Variants in LRRC57 observed in about 807,000 individuals in gnomAD.
LRRC57 encodes leucine rich repeat containing 57, also known as leucine-rich repeat-containing protein 57.
Under a neutral mutation model 23.1 loss-of-function variants are expected in LRRC57, and 14 were observed. The ratio of observed to expected loss-of-function variants is 0.61; its 90% CI spans 0.40 to 0.95. The LOEUF is 0.95. LRRC57 is among the 40% of genes least tolerant of loss of function. The pLI is 0.00. For missense variants in LRRC57, 236 were observed against 284.4 expected, an observed-to-expected ratio of 0.83 and a Z score of 1.22; for synonymous variants, 106 against 115.2, an observed-to-expected ratio of 0.92 and a Z score of 0.51.
At chr15:42,547,550 TA>T in intron 3 of LRRC57, 21 bp from the exon 4 acceptor site, 1 of 1,592,260 alleles carries the variant, frequency 6.3e-7, no homozygotes, top group Middle Eastern at 1.7e-4. Context: ...AAAATTTTTT[TA>T]AAACCTGAAT....
At chr15:42,529,132 T>C in the LRRC57 span, among the ~76,000 whole-genome samples, 2 of 152,148 alleles carry the variant, frequency 1.3e-5, no homozygotes, top group Non-Finnish European at 2.9e-5. Flanking sequence ...CTCAACTCTG[T>C]TGTAGGGTTA....
Position 42,543,997 on chromosome 15 carries a change from A to C in LRRC57, c.*86T>G, listed in dbSNP as rs2057644006. ...CATCTCCTTACTGTAGATACCCCTA[A>C]CAACAACAGGAGGCTTTGACTCAGC... On this transcript the variant is annotated 3_prime_UTR_variant, in exon 6 of 6. Coordinates refer to ENST00000397130, the MANE Select transcript of LRRC57 (RefSeq NM_153260.3). 4 of 1,064,078 alleles carry C rather than the reference A, an allele frequency of 3.8e-6. No individual in the cohort carries two copies. The highest frequency in any genetic ancestry group is 5.7e-6 in the Non-Finnish European group (4 of 701,240). 65.9% of individuals were successfully genotyped at this position (1,064,078 alleles called of 1,614,324 possible).
chr15:42,544,220 G>A, intron 5 of LRRC57, 96 bp from the exon 6 acceptor site: 4 of 956,936 alleles, frequency 4.2e-6, no homozygotes, highest in Non-Finnish European at 6.3e-6. Context: ...TTTATTGCAT[G>A]TGGTTTTTCA....
chr15:42,543,314 C>G lies in LRRC57; in HGVS notation c.*769G>C, dbSNP rs995014423. The G allele has an allele frequency of 5.9e-5, 9 of 152,368 alleles. No homozygotes were observed. The highest frequency in any genetic ancestry group is 2.2e-4 in the African/African-American group (9 of 41,552). The allele number at this position is 152,368 out of a possible 1,614,324, so 9.4% of individuals were successfully genotyped here. A position where few individuals can be genotyped will look rare whatever the true frequency, so the allele number is the denominator to read the frequency against. On this transcript the variant is annotated 3_prime_UTR_variant, in exon 6 of 6. Coordinates refer to ENST00000397130, the MANE Select transcript of LRRC57 (RefSeq NM_153260.3). ...TCCTGGGTTCAAGCGATTCTCCTGCCTCAGCCTCCCAAGTAGCTGGGATTA... is the reference window on the plus strand; with the variant it reads ...TCCTGGGTTCAAGCGATTCTCCTGCGTCAGCCTCCCAAGTAGCTGGGATTA...
downstream of LRRC57, among the ~76,000 whole-genome samples, chr15:42,534,839 A>G (rs2057592347): frequency 6.6e-6 from 1 of 152,242 alleles, no homozygotes; most frequent in South Asian, 2.1e-4. Context: ...ACTTCTCAAC[A>G]GTGGGTTTAA....
chr15:42,548,131 G>A lies in LRRC57; in HGVS notation c.198C>T (p.Ser66=). The part of the protein sequence containing the change: ...LLIGKFTLLK[S]LSLNNNKLTV... ...TCAGTTTGTTGTTGTTCAGGGAGAG[G>A]CTCTTCAGCAGAGTGAACTTTCCTA... The change falls in exon 3 of 6, where the codon AGC becomes AGT. Residue 66 remains serine (S), a synonymous_variant. Coordinates refer to ENST00000397130, the MANE Select transcript of LRRC57 (RefSeq NM_153260.3). 2 of 1,614,210 alleles carry A rather than the reference G, an allele frequency of 1.2e-6. No individual in the cohort carries two copies. Among genetic ancestry groups the A allele is most frequent in the Non-Finnish European group, 8.5e-7 (1 of 1,180,038 alleles).
downstream of LRRC57, among the ~76,000 whole-genome samples, chr15:42,535,942 G>A (rs1292011119): frequency 1.3e-5 from 2 of 152,092 alleles, no homozygotes; most frequent in Admixed American, 1.3e-4. Flanking sequence ...GCCAGGTGTG[G>A]TGGTGCATAT....
At chr15:42,548,524 C>G in intron 1 of LRRC57, 68 bp from the exon 2 acceptor site, 7 of 1,319,510 alleles carry the variant, frequency 5.3e-6, no homozygotes, top group Non-Finnish European at 7.3e-6. Context: ...GGGCTCCTGC[C>G]CCAGCTCTCA....
chr15:42,535,328 A>G (rs1168176038), downstream of LRRC57, among the ~76,000 whole-genome samples: 1 of 152,224 alleles, frequency 6.6e-6, no homozygotes, highest in Non-Finnish European at 1.5e-5. Flanking sequence ...ATAGCATTGA[A>G]GGGAGTTAGG....
Position 42,538,169 on chromosome 15 carries a change from C to G in LRRC57, c.*5914G>C, listed in dbSNP as rs2057610324. 1 of 151,946 alleles carries G rather than the reference C, an allele frequency of 6.6e-6. No homozygotes were observed. The highest frequency in any genetic ancestry group is 2.4e-5 in the African/African-American group (1 of 41,360). The allele number at this position is 151,946 out of a possible 1,614,324, so 9.4% of individuals were successfully genotyped here. A position where few individuals can be genotyped will look rare whatever the true frequency, so the allele number is the denominator to read the frequency against. ...ATCACAAGTACCCCATAAATATGAA[C>G]AAATATATATCAGAAAAATAGTAAA... On this transcript the variant is annotated 3_prime_UTR_variant, in exon 6 of 6. Transcript: ENST00000397130.
chr15:42,540,540 T>C lies in LRRC57; in HGVS notation c.*3543A>G, dbSNP rs2057623412. On this transcript the variant is annotated 3_prime_UTR_variant, in exon 6 of 6. Coordinates refer to ENST00000397130, the MANE Select transcript of LRRC57 (RefSeq NM_153260.3). ...CCTCCATGGACACTGAGGGACAAGC[T>C]GTATAAAGGAGGTCAGAAAAGACTG... 6.6e-6 allele frequency: 1 copy of C among 151,972 alleles called. No individual in the cohort carries two copies. The highest frequency in any genetic ancestry group is 6.6e-5 in the Admixed American group (1 of 15,240). 9.4% of individuals were successfully genotyped at this position (151,972 alleles called of 1,614,324 possible).
At chr15:42,528,469 C>G in the LRRC57 span, 1 of 1,578,376 alleles carries the variant, frequency 6.3e-7, no homozygotes, top group Non-Finnish European at 8.7e-7. Context: ...ATGAATGGTT[C>G]ACTTAGGAGA....
chr15:42,545,525 A>G (rs1031301829), intron 4 of LRRC57: 1 of 251,920 alleles, frequency 4.0e-6, no homozygotes, highest in Non-Finnish European at 7.5e-6. Flanking sequence ...TGATAAAAGC[A>G]CTGTATGTTC....
At chr15:42,537,029 T>A (rs545104478), downstream of LRRC57, among the ~76,000 whole-genome samples, 1 of 152,306 alleles carries the variant, frequency 6.6e-6, no homozygotes, top group South Asian at 2.1e-4. Context: ...ATTTCATGTG[T>A]GGATTATGAG....
the LRRC57 span, among the ~76,000 whole-genome samples, chr15:42,528,743 G>A: frequency 6.6e-6 from 1 of 151,982 alleles, no homozygotes. Flanking sequence ...GCGCCACCAC[G>A]CCCAGCTAAT....
chr15:42,528,369 G>A, the LRRC57 span: 1 of 1,614,110 alleles, frequency 6.2e-7, no homozygotes, highest in Non-Finnish European at 8.5e-7. Flanking sequence ...GTGACAAATG[G>A]TCAGCTTCAG....
At position 42,547,450 on chromosome 15, in the gene LRRC57, C is replaced by A. The variant is rs538962912; in HGVS notation, c.303G>T (p.Pro101=). The A allele has an allele frequency of 2.4e-5, 38 of 1,614,042 alleles. No homozygotes were observed. Among genetic ancestry groups the A allele is most frequent in the Non-Finnish European group, 3.2e-5 (38 of 1,179,942 alleles). The change falls in exon 4 of 6, where the codon CCG becomes CCT. Residue 101 remains proline (P), a synonymous_variant. Transcript: ENST00000397130. ...GGGCAGAGAGTTGCCCAAAGGTAGA[C>A]GGCAGCTCTCTAAGGTGATTGTTGT... is the stretch of plus-strand genomic sequence containing the variant. ...SLNNNHLREL[P]STFGQLSALK...
At position 42,547,531 on chromosome 15, in the gene LRRC57, T is replaced by A. The variant is rs778993732; in HGVS notation, c.224-2A>T. The A allele has an allele frequency of 6.3e-7, 1 of 1,592,706 alleles. No homozygotes were observed. The highest frequency in any genetic ancestry group is 8.6e-7 in the Non-Finnish European group (1 of 1,169,036). On this transcript the variant is annotated splice_acceptor_variant, in intron 3 of 5. Coordinates refer to ENST00000397130, the MANE Select transcript of LRRC57 (RefSeq NM_153260.3). LOFTEE classifies it high-confidence loss of function. Reference sequence around the variant, plus strand: ...TGCATATCTCATCAGGCAGAACAGCTGGCAAAGAAAAATTTTTTTAAAACC... The same window carrying A: ...TGCATATCTCATCAGGCAGAACAGCAGGCAAAGAAAAATTTTTTTAAAACC...
At chr15:42,531,423 A>G in the LRRC57 span, 1 of 1,582,614 alleles carries the variant, frequency 6.3e-7, no homozygotes, top group African/African-American at 1.4e-5. Context: ...GCTGACACCA[A>G]CAGAGATCGT....
Sources: gnomAD v4.1 joint callset for allele counts (sites outside exome capture counted in the v4.1 genomes callset) on GRCh38, gnomAD v4.1.1 for gene constraint, MANE v1.5 for transcripts, NCBI Gene and HGNC (gene_info 2026-07-23, HGNC 2026-07-21) for gene names.